The following DOCK3 variants were observed in gnomAD, a reference collection of about 807,000 sequenced individuals.
DOCK3 encodes the protein dedicator of cytokinesis 3.
In DOCK3, 60 loss-of-function variants were observed where a neutral mutation model predicts 265.6. The ratio of observed to expected loss-of-function variants is 0.23; its 90% CI spans 0.18 to 0.28. DOCK3 has a LOEUF of 0.28. Ranked by LOEUF, DOCK3 falls within the 10% of genes least tolerant of loss-of-function variation. DOCK3 has a pLI of 1.00. For synonymous variants in DOCK3, 881 were observed against 938.0 expected, an observed-to-expected ratio of 0.94 and a Z score of 1.11; for missense variants, 1,981 against 2,594.3, an observed-to-expected ratio of 0.76 and a Z score of 5.14.
chr3:51,311,911 AG>A (rs1350419842), intron 28 of DOCK3, 92 bp from the exon 29 acceptor site: 1 of 840,892 alleles, frequency 1.2e-6, no homozygotes, highest in African/African-American at 1.7e-5. Flanking sequence ...GTACTCAAGA[AG>A]TTTGCACACA....
chr3:51,074,775 G>A (rs540195219), intron 6 of DOCK3, among the ~76,000 whole-genome samples: 28 of 152,068 alleles, frequency 1.8e-4, no homozygotes, highest in African/African-American at 6.7e-4. Flanking sequence ...AACCACCATG[G>A]CACACGTTCA....
intron 12 of DOCK3, among the ~76,000 whole-genome samples, chr3:51,164,397 C>A (rs1281451257): frequency 1.3e-5 from 2 of 151,956 alleles, no homozygotes; most frequent in Admixed American, 1.3e-4. Context: ...CTGAGGCAGG[C>A]GGATCATGAG....
intron 27 of DOCK3, among the ~76,000 whole-genome samples, chr3:51,302,651 A>C (rs2082419536): frequency 6.6e-6 from 1 of 152,086 alleles, no homozygotes. Context: ...TTGTCTGAAA[A>C]GGATTTTATT....
chr3:51,021,749 C>T (rs1461049498), intron 5 of DOCK3, among the ~76,000 whole-genome samples: 2 of 150,178 alleles, frequency 1.3e-5, no homozygotes, highest in Admixed American at 6.7e-5. Context: ...GCAACTTCCG[C>T]CTCCTGCATT....
intron 1 of DOCK3, among the ~76,000 whole-genome samples, chr3:50,715,025 A>G (rs2037012592): frequency 6.6e-6 from 1 of 152,188 alleles, no homozygotes; most frequent in African/African-American, 2.4e-5. Context: ...AACATATTTT[A>G]TAAGGATTAC....
At chr3:51,034,688 A>G (rs972250876) in intron 5 of DOCK3, among the ~76,000 whole-genome samples, 1 of 152,124 alleles carries the variant, frequency 6.6e-6, no homozygotes, top group Non-Finnish European at 1.5e-5. Context: ...TACTGGTTCC[A>G]GTGTTATTCA....
intron 9 of DOCK3, among the ~76,000 whole-genome samples, chr3:51,130,385 C>G (rs546556467): frequency 6.6e-6 from 1 of 152,300 alleles, no homozygotes; most frequent in Admixed American, 6.5e-5. Context: ...AAGCAGATTG[C>G]TTCTGGTGGG....
intron 4 of DOCK3, among the ~76,000 whole-genome samples, chr3:50,917,187 C>T (rs1028566682): frequency 6.6e-6 from 1 of 152,012 alleles, no homozygotes; most frequent in Non-Finnish European, 1.5e-5. Flanking sequence ...ATTATTCTAG[C>T]TTCATAGCAT....
rs1417558020 is a variant in DOCK3 at position 50,731,166 on chromosome 3, TG to T, written c.38-47508del. Among the ~76,000 whole-genome samples the T allele has an allele frequency of 3.3e-5, 5 of 150,580 alleles. No homozygotes were observed. In the East Asian group the frequency reaches 9.7e-4, roughly 29 times the overall value. Reference sequence around the variant, plus strand: ...AAAAAAAGTTCCTTTTAAACATAGATGTAGAATCCCCTTAATATTAACAATT... The same window carrying T: ...AAAAAAAGTTCCTTTTAAACATAGATTAGAATCCCCTTAATATTAACAATT... On this transcript the variant is annotated intron_variant, in intron 1 of 52. Transcript: ENST00000266037.
chr3:50,765,330 C>T (rs2040808690), intron 1 of DOCK3, among the ~76,000 whole-genome samples: 1 of 151,778 alleles, frequency 6.6e-6, no homozygotes, highest in Non-Finnish European at 1.5e-5. Flanking sequence ...GTAATCTGCC[C>T]ATCTCGGCCT....
intron 32 of DOCK3, among the ~76,000 whole-genome samples, chr3:51,324,984 A>T (rs1254555311): frequency 6.6e-6 from 1 of 152,224 alleles, no homozygotes; most frequent in African/African-American, 2.4e-5. Flanking sequence ...AACCTAGGCA[A>T]TACCATTCAG....
chr3:50,783,123 T>C (rs1175211356), intron 2 of DOCK3, among the ~76,000 whole-genome samples: 1 of 152,164 alleles, frequency 6.6e-6, no homozygotes, highest in Non-Finnish European at 1.5e-5. Context: ...TTGCGAATTG[T>C]GCTGCTATAA....
chr3:51,130,314 A>G (rs1194245022), intron 9 of DOCK3, among the ~76,000 whole-genome samples: 2 of 152,258 alleles, frequency 1.3e-5, no homozygotes, highest in Non-Finnish European at 2.9e-5. Context: ...ACACAAAGCC[A>G]GAGAGTTGAT....
At chr3:50,679,965 T>TTTTTTTTAAAC (rs2034270863) in intron 1 of DOCK3, among the ~76,000 whole-genome samples, 2 of 152,306 alleles carry the variant, frequency 1.3e-5, no homozygotes, top group African/African-American at 4.8e-5. Flanking sequence ...AAAGAAGCTT[T>TTTTTTTTAAAC]AGCTGAGAGA....
At chr3:51,074,790 T>C (rs1192679436) in intron 6 of DOCK3, among the ~76,000 whole-genome samples, 2 of 152,056 alleles carry the variant, frequency 1.3e-5, no homozygotes, top group Non-Finnish European at 2.9e-5. Flanking sequence ...CGTTCACCTG[T>C]GTAACAAACC....
At chr3:51,109,213 A>G (rs1445746934) in intron 9 of DOCK3, among the ~76,000 whole-genome samples, 1 of 152,240 alleles carries the variant, frequency 6.6e-6, no homozygotes, top group Non-Finnish European at 1.5e-5. Flanking sequence ...GAATTCAAGA[A>G]TAGGAAAATC....
intron 2 of DOCK3, among the ~76,000 whole-genome samples, chr3:50,832,823 T>C (rs1466609018): frequency 6.6e-6 from 1 of 152,168 alleles, no homozygotes; most frequent in African/African-American, 2.4e-5. Context: ...TCAGGGTCTC[T>C]TGTATTCAGG....
intron 5 of DOCK3, among the ~76,000 whole-genome samples, chr3:51,055,409 G>C (rs972307432): frequency 4.6e-5 from 7 of 152,036 alleles, no homozygotes; most frequent in African/African-American, 1.7e-4. Flanking sequence ...TTACTCTTAG[G>C]GCTTTTTTAG....
intron 9 of DOCK3, among the ~76,000 whole-genome samples, chr3:51,146,054 C>T (rs564094428): frequency 1.9e-4 from 29 of 152,322 alleles, no homozygotes; most frequent in African/African-American, 6.0e-4. Context: ...GGCCCAGTTC[C>T]TCACAGGCCA....
Sources: gnomAD v4.1 joint callset for allele counts (sites outside exome capture counted in the v4.1 genomes callset) on GRCh38, gnomAD v4.1.1 for gene constraint, MANE v1.5 for transcripts, NCBI Gene and HGNC (gene_info 2026-07-23, HGNC 2026-07-21) for gene names.